Variants in AIDA observed in about 807,000 individuals in gnomAD.
AIDA encodes axin interactor, dorsalization-associated protein.
AIDA carries 18 observed loss-of-function variants against 42.7 expected under a neutral mutation model. The ratio of observed to expected loss-of-function variants is 0.42; its 90% CI spans 0.29 to 0.63. The LOEUF (loss-of-function observed/expected upper bound fraction) is 0.63, where lower values mean the gene tolerates loss of function less well. Among genes scored for constraint, AIDA ranks in the 20% least tolerant of loss-of-function variants. AIDA has a pLI of 0.19. For missense variants in AIDA, 250 were observed against 354.1 expected (o/e 0.71, Z 2.36); for synonymous variants, 104 against 122.9 (o/e 0.85, Z 1.02).
intron 2 of AIDA, among the ~76,000 whole-genome samples, chr1:222,700,703 C>A (rs1434694416): frequency 1.3e-5 from 2 of 149,286 alleles, no homozygotes; most frequent in Admixed American, 6.7e-5. Context: ...TGCAGTGAGC[C>A]GAGATAGCGC....
intron 8 of AIDA, among the ~76,000 whole-genome samples, chr1:222,670,738 C>T (rs376330863): frequency 1.3e-5 from 2 of 152,194 alleles, no homozygotes; most frequent in East Asian, 1.9e-4. Context: ...ACATAAATCA[C>T]ATGCTGGCTC....
chr1:222,693,902 C>A, intron 3 of AIDA, 59 bp from the exon 4 acceptor site: 1 of 1,342,150 alleles, frequency 7.5e-7, no homozygotes, highest in Non-Finnish European at 1.1e-6. Context: ...TGCACCCTGT[C>A]TTTTAAGTGG....
Position 222,673,412 on chromosome 1 carries a change from G to T in AIDA, c.607C>A (p.Pro203Thr). The T allele has an allele frequency of 6.2e-7, 1 of 1,603,360 alleles. No homozygotes were observed. Among genetic ancestry groups the T allele is most frequent in the Non-Finnish European group, 8.5e-7 (1 of 1,174,362 alleles). Residue 203 changes from proline (P) to threonine (T), a missense_variant, in exon 8 of 10, where the codon CCT becomes ACT. Physicochemically the swap from Pro to Thr is conservative, Grantham distance 38. Around this residue, in one of 4 missense-constraint regions of AIDA, gnomAD observed 199 missense variants for 232.6 expected, o/e 0.86. Transcript: ENST00000340020. ...GAAGCCACAGGAGTATCTTGCACAGGAGTTAAGTCTATGCCATTCAGATCT... is the reference window on the plus strand; with the variant it reads ...GAAGCCACAGGAGTATCTTGCACAGTAGTTAAGTCTATGCCATTCAGATCT... ...VKDLNGIDLTPVQDTPVASRK... is the reference protein window; with the variant it reads ...VKDLNGIDLTTVQDTPVASRK...
chr1:222,708,163 T>C (rs1273928919), intron 1 of AIDA, among the ~76,000 whole-genome samples: 1 of 151,500 alleles, frequency 6.6e-6, no homozygotes. Context: ...AAAAAAAAAT[T>C]AGCCAGGTGT....
chr1:222,706,066 AC>A (rs1165968642), intron 1 of AIDA, among the ~76,000 whole-genome samples: 1 of 152,208 alleles, frequency 6.6e-6, no homozygotes, highest in Non-Finnish European at 1.5e-5. Context: ...AAGGAAGCAT[AC>A]AAAAAGACAC....
chr1:222,670,182 C>CA lies in AIDA; in HGVS notation c.774dup (p.Ala259CysfsTer7). 6.2e-7 allele frequency: 1 copy of CA among 1,614,068 alleles called. No homozygotes were observed. Among genetic ancestry groups the CA allele is most frequent in the Non-Finnish European group, 8.5e-7 (1 of 1,179,992 alleles). On this transcript the variant is annotated frameshift_variant, in exon 9 of 10. Transcript: ENST00000340020. LOFTEE classifies it high-confidence loss of function. ...TTAATTTCATCCATCTCCATGAAAGCAAAACACTTGGTGCTGGTAAACCTT... is the reference window on the plus strand; with the variant it reads ...TTAATTTCATCCATCTCCATGAAAGCAAAAACACTTGGTGCTGGTAAACCTT...
At chr1:222,711,982 C>A in intron 1 of AIDA, 1 of 584,794 alleles carries the variant, frequency 1.7e-6, no homozygotes. Flanking sequence ...GGAACTGTCC[C>A]TGCGGAGGCG....
chr1:222,678,410 C>T (rs1043185747), intron 6 of AIDA, among the ~76,000 whole-genome samples: 1 of 152,160 alleles, frequency 6.6e-6, no homozygotes, highest in East Asian at 1.9e-4. Flanking sequence ...ACTATTTTCT[C>T]CCAAGTAAAC....
rs140617574 is a variant in AIDA at position 222,670,029 on chromosome 1, G to A, written c.825-40C>T. 495 of 1,612,750 alleles carry A rather than the reference G, an allele frequency of 3.1e-4. 3 individuals carry two copies. The African/African-American group carries it at 5.7e-3, about 18-fold the overall frequency. On this transcript the variant is annotated intron_variant, in intron 9 of 9. Transcript: ENST00000340020. ...GAAAGACCATTGTTTAAAATACATT[G>A]ATAACTGAACTCTTCAAGGTTAAAT...
chr1:222,682,698 A>T (rs1664674940), intron 6 of AIDA, among the ~76,000 whole-genome samples: 1 of 152,166 alleles, frequency 6.6e-6, no homozygotes, highest in Non-Finnish European at 1.5e-5. Context: ...TCAGTCATCC[A>T]AATTTTTTTT....
intron 1 of AIDA, among the ~76,000 whole-genome samples, chr1:222,707,032 TTTTCTAAAATCTGTAAC>T (rs897464154): frequency 3.4e-4 from 51 of 152,134 alleles, no homozygotes; most frequent in African/African-American, 1.2e-3. Flanking sequence ...GTGATGGAAA[TTTTCTAAAATCTGTAAC>T]GATGGTTGCA....
At chr1:222,680,695 C>G (rs1231631399) in intron 6 of AIDA, among the ~76,000 whole-genome samples, 1 of 152,046 alleles carries the variant, frequency 6.6e-6, no homozygotes, top group Non-Finnish European at 1.5e-5. Flanking sequence ...ATCGCAACTA[C>G]AAGTCACAAC....
At chr1:222,708,326 G>A (rs1655898354) in intron 1 of AIDA, among the ~76,000 whole-genome samples, 1 of 150,282 alleles carries the variant, frequency 6.7e-6, no homozygotes, top group Non-Finnish European at 1.5e-5. Flanking sequence ...AAAATGACAA[G>A]TGGCCATTAT....
chr1:222,689,481 GTATATATATATATATATA>G (rs1183093082), intron 4 of AIDA, among the ~76,000 whole-genome samples: 42 of 35,366 alleles, frequency 1.2e-3, no homozygotes, highest in Admixed American at 2.6e-3. Flanking sequence ...GTGTGTGTGT[GTATATATATATATATATA>G]TATATATATA....
intron 7 of AIDA, 31 bp from the exon 8 acceptor site, chr1:222,673,466 C>A: frequency 6.5e-7 from 1 of 1,535,000 alleles, no homozygotes; most frequent in Non-Finnish European, 8.8e-7. Context: ...TCTTTAGGAA[C>A]ATTCAAATAT....
intron 4 of AIDA, among the ~76,000 whole-genome samples, chr1:222,688,557 G>A (rs1655262000): frequency 6.6e-6 from 1 of 151,256 alleles, no homozygotes; most frequent in Non-Finnish European, 1.5e-5. Context: ...TACATTTTTT[G>A]TCATTATTTT....
At chr1:222,684,540 T>C (rs1664708126) in intron 6 of AIDA, among the ~76,000 whole-genome samples, 1 of 152,206 alleles carries the variant, frequency 6.6e-6, no homozygotes, top group Non-Finnish European at 1.5e-5. Flanking sequence ...TTCAATGACA[T>C]TTTCAATGAA....
chr1:222,704,447 T>C (rs554767094), intron 1 of AIDA, among the ~76,000 whole-genome samples: 1 of 152,330 alleles, frequency 6.6e-6, no homozygotes, highest in Admixed American at 6.5e-5. Flanking sequence ...ATGTGGTATA[T>C]CCATTCAATG....
At chr1:222,706,836 CAG>C (rs1436506957) in intron 1 of AIDA, among the ~76,000 whole-genome samples, 1 of 120,932 alleles carries the variant, frequency 8.3e-6, no homozygotes, top group Non-Finnish European at 1.6e-5. Flanking sequence ...CCCAGGGTAA[CAG>C]AGTGGGACTG....
Sources: allele counts gnomAD v4.1 joint callset (sites outside exome capture counted in the v4.1 genomes callset), GRCh38; gene constraint gnomAD v4.1.1; regional missense constraint gnomAD v4.1.1; transcripts MANE v1.5; gene names NCBI Gene and HGNC (gene_info 2026-07-23, HGNC 2026-07-21).